The following GLIS3 variants were observed in gnomAD, a reference collection of about 807,000 sequenced individuals.
The protein encoded by GLIS3 is zinc finger protein GLIS3.
GLIS3 carries 53 observed loss-of-function variants against 78.6 expected under a neutral mutation model. The ratio of observed to expected loss-of-function variants is 0.67; its 90% CI spans 0.54 to 0.85. The LOEUF (loss-of-function observed/expected upper bound fraction) is 0.85, where lower values mean the gene tolerates loss of function less well. GLIS3 is among the 40% of genes least tolerant of loss of function. The probability of loss-of-function intolerance (pLI) is 0.00; values close to 1 mark genes in which losing one functional copy is unlikely to be tolerated. For synonymous variants in GLIS3, 684 were observed against 509.9 expected, an observed-to-expected ratio of 1.34 and a Z score of -4.60; for missense variants, 1,703 against 1,231.1, an observed-to-expected ratio of 1.38 and a Z score of -5.74.
chr9:4,216,551 T>A (rs1054317373), intron 2 of GLIS3, among the ~76,000 whole-genome samples: 5 of 148,696 alleles, frequency 3.4e-5, no homozygotes, highest in Non-Finnish European at 7.5e-5. Flanking sequence ...AATTGGAAAA[T>A]TCATTGGACT....
intron 2 of GLIS3, among the ~76,000 whole-genome samples, chr9:4,258,186 G>A (rs1825162509): frequency 6.6e-6 from 1 of 151,770 alleles, no homozygotes; most frequent in African/African-American, 2.4e-5. Context: ...TGTTTTCAGA[G>A]GGAGGAAAAC....
intron 7 of GLIS3, among the ~76,000 whole-genome samples, chr9:3,895,908 A>G (rs1186518719): frequency 2.0e-5 from 3 of 152,236 alleles, no homozygotes; most frequent in Admixed American, 1.3e-4. Flanking sequence ...TTCCATCAAA[A>G]TATTTTTGTG....
intron 4 of GLIS3, among the ~76,000 whole-genome samples, chr9:4,113,139 T>C (rs988416380): frequency 5.9e-5 from 9 of 152,142 alleles, no homozygotes; most frequent in African/African-American, 1.7e-4. Context: ...ACAGTGTTTT[T>C]TGAAATGTAT....
At chr9:4,351,808 G>C (rs1006265263), upstream of GLIS3, among the ~76,000 whole-genome samples, 2 of 151,876 alleles carry the variant, frequency 1.3e-5, no homozygotes, top group Non-Finnish European at 2.9e-5. Flanking sequence ...TTATCTTTAA[G>C]CTAGAAAACT....
chr9:4,046,707 T>C (rs530296731), intron 4 of GLIS3, among the ~76,000 whole-genome samples: 1 of 152,322 alleles, frequency 6.6e-6, no homozygotes, highest in South Asian at 2.1e-4. Flanking sequence ...CTGGAATATA[T>C]TTAGAGTTCC....
At chr9:3,892,751 A>G (rs998669705) in intron 7 of GLIS3, among the ~76,000 whole-genome samples, 4 of 152,132 alleles carry the variant, frequency 2.6e-5, no homozygotes, top group African/African-American at 9.7e-5. Flanking sequence ...AATTCAGTTG[A>G]AGCAGAAAGT....
intron 2 of GLIS3, among the ~76,000 whole-genome samples, chr9:4,161,978 AC>A (rs1835516605): frequency 6.6e-6 from 1 of 151,854 alleles, no homozygotes. Flanking sequence ...GAGCCACTGC[AC>A]CCAGGCTGAG....
rs546227485 is a variant in GLIS3 at position 4,230,262 on chromosome 9, A to T, written c.388+55776T>A. On this transcript the variant is annotated intron_variant, in intron 2 of 10. Transcript: ENST00000381971. Reference sequence around the variant, plus strand: ...AATCTCCACCAACTAAGAAAGAAACAGAAATAAAGAAAGTGGGGCGAAGGT... The same window carrying T: ...AATCTCCACCAACTAAGAAAGAAACTGAAATAAAGAAAGTGGGGCGAAGGT... 5.8e-4 allele frequency among the ~76,000 whole-genome samples: 89 copies of T among 152,354 alleles called. 1 individual carries two copies. Among genetic ancestry groups the T allele is most frequent in the Admixed American group, 2.1e-3 (32 of 15,310 alleles).
chr9:4,434,866 G>A, the GLIS3 span, among the ~76,000 whole-genome samples: 1 of 152,202 alleles, frequency 6.6e-6, no homozygotes, highest in African/African-American at 2.4e-5. Flanking sequence ...TGTGAGACCA[G>A]TGCTGAGCTG....
chr9:3,985,744 G>T (rs1819692026), intron 4 of GLIS3, among the ~76,000 whole-genome samples: 1 of 152,190 alleles, frequency 6.6e-6, no homozygotes, highest in South Asian at 2.1e-4. Flanking sequence ...CTAAGATTGG[G>T]AAAGAAGTTT....
At chr9:4,102,477 C>A (rs555266018) in intron 4 of GLIS3, among the ~76,000 whole-genome samples, 2 of 152,150 alleles carry the variant, frequency 1.3e-5, no homozygotes, top group African/African-American at 2.4e-5. Flanking sequence ...TTTTTCTCCA[C>A]AGGAGACATA....
chr9:4,354,983 G>C, the GLIS3 span, among the ~76,000 whole-genome samples: 1 of 152,006 alleles, frequency 6.6e-6, no homozygotes. Flanking sequence ...AGGCGTGGTG[G>C]CGGGTGCCTG....
At chr9:4,072,469 C>T (rs1207830635) in intron 4 of GLIS3, among the ~76,000 whole-genome samples, 2 of 152,312 alleles carry the variant, frequency 1.3e-5, no homozygotes, top group Middle Eastern at 3.4e-3. Context: ...TTAATCTATG[C>T]ATAACACTTG....
intron 2 of GLIS3, among the ~76,000 whole-genome samples, chr9:4,341,548 C>G (rs1349705289): frequency 1.3e-5 from 2 of 152,206 alleles, no homozygotes; most frequent in East Asian, 3.8e-4. Flanking sequence ...TTCCCTCATT[C>G]TCTTCTGTCC....
the GLIS3 span, among the ~76,000 whole-genome samples, chr9:4,468,352 A>C: frequency 2.0e-5 from 3 of 152,298 alleles, no homozygotes; most frequent in African/African-American, 7.2e-5. Flanking sequence ...CCAAGGTTAA[A>C]ATGAAGGAAA....
chr9:4,445,754 T>C, the GLIS3 span, among the ~76,000 whole-genome samples: 1 of 152,184 alleles, frequency 6.6e-6, no homozygotes, highest in East Asian at 1.9e-4. Flanking sequence ...ACTCAAACTT[T>C]CCATGCAGAT....
chr9:3,973,172 G>A (rs1818514766), intron 4 of GLIS3, among the ~76,000 whole-genome samples: 1 of 152,148 alleles, frequency 6.6e-6, no homozygotes, highest in South Asian at 2.1e-4. Context: ...AAATGCAAAT[G>A]CTGCCATTGT....
intron 4 of GLIS3, among the ~76,000 whole-genome samples, chr9:3,960,833 A>C (rs1333010817): frequency 6.6e-6 from 1 of 152,198 alleles, no homozygotes; most frequent in Non-Finnish European, 1.5e-5. Flanking sequence ...ACATAGTTTG[A>C]AAGATCCAGT....
At chr9:4,436,675 G>A in the GLIS3 span, among the ~76,000 whole-genome samples, 342 of 151,842 alleles carry the variant, frequency 2.3e-3, 1 homozygote, top group African/African-American at 7.6e-3. Flanking sequence ...GCATGGTGGC[G>A]GGCACCTATA....
Sources: gnomAD v4.1 joint callset for allele counts (sites outside exome capture counted in the v4.1 genomes callset) on GRCh38, gnomAD v4.1.1 for gene constraint, MANE v1.5 for transcripts, NCBI Gene and HGNC (gene_info 2026-07-23, HGNC 2026-07-21) for gene names.